Variants in YES1 observed in about 807,000 individuals in gnomAD.
YES1 encodes the protein tyrosine-protein kinase Yes.
YES1 carries 39 observed loss-of-function variants against 70.4 expected under a neutral mutation model. That is an observed-to-expected ratio of 0.55 (90% confidence interval 0.43 to 0.72). YES1 has a LOEUF of 0.72. Ranked by LOEUF, YES1 falls within the 30% of genes least tolerant of loss-of-function variation. YES1 has a pLI of 0.00. For missense variants in YES1, 495 were observed against 644.8 expected, an observed-to-expected ratio of 0.77 and a Z score of 2.52; for synonymous variants, 198 against 218.6, an observed-to-expected ratio of 0.91 and a Z score of 0.83.
chr18:762,314 C>T (rs1326657230), intron 1 of YES1, among the ~76,000 whole-genome samples: 2 of 152,030 alleles, frequency 1.3e-5, no homozygotes, highest in Non-Finnish European at 2.9e-5. Context: ...GAGCGAAACT[C>T]CATCTCAAAA....
intron 1 of YES1, among the ~76,000 whole-genome samples, chr18:777,806 T>TAAA (rs35073440): frequency 7.7e-6 from 1 of 129,278 alleles, no homozygotes; most frequent in African/African-American, 2.9e-5. Flanking sequence ...GACTCTGGCT[T>TAAA]AAAAAAAAAA....
chr18:781,277 A>AAAAAAT (rs1169060755), intron 1 of YES1, among the ~76,000 whole-genome samples: 2 of 151,780 alleles, frequency 1.3e-5, no homozygotes, highest in South Asian at 2.1e-4. Flanking sequence ...CTCAAAAAAA[A>AAAAAAT]AAAAAAAAAT....
intron 11 of YES1, among the ~76,000 whole-genome samples, chr18:732,625 T>A (rs1403020157): frequency 1.3e-5 from 2 of 152,084 alleles, no homozygotes; most frequent in Non-Finnish European, 2.9e-5. Context: ...GTGCTCACCC[T>A]GTCAAGGATC....
intron 1 of YES1, among the ~76,000 whole-genome samples, chr18:805,557 A>G (rs1299304396): frequency 6.6e-6 from 1 of 152,118 alleles, no homozygotes; most frequent in African/African-American, 2.4e-5. Context: ...TGCAAAACTA[A>G]CGCCTAGGGA....
At chr18:762,848 A>G (rs1214283991) in intron 1 of YES1, among the ~76,000 whole-genome samples, 1 of 152,246 alleles carries the variant, frequency 6.6e-6, no homozygotes, top group African/African-American at 2.4e-5. Flanking sequence ...AAAAGGTCAC[A>G]AATGTATGAA....
chr18:733,071 C>T lies in YES1; in HGVS notation c.1292-106G>A, dbSNP rs73943189. 266 of 1,076,154 alleles carry T rather than the reference C, an allele frequency of 2.5e-4. No individual in the cohort carries two copies. The African/African-American group carries it at 3.8e-3, about 15-fold the overall frequency. The allele number at this position is 1,076,154 out of a possible 1,614,324, so 66.7% of individuals were successfully genotyped here. A position where few individuals can be genotyped will look rare whatever the true frequency, so the allele number is the denominator to read the frequency against. ...CTGTCAATATCTCTACTGTAGTCAT[C>T]AGTGTCAATTCTTTAAATGTACAAG... On this transcript the variant is annotated intron_variant, in intron 10 of 11. Transcript: ENST00000314574.
intron 1 of YES1, among the ~76,000 whole-genome samples, chr18:806,456 T>C (rs1232800219): frequency 1.3e-5 from 2 of 152,254 alleles, no homozygotes; most frequent in Non-Finnish European, 2.9e-5. Flanking sequence ...AGTATTAAGC[T>C]AGTTTTATAA....
At chr18:769,075 T>A (rs928769228) in intron 1 of YES1, among the ~76,000 whole-genome samples, 1 of 152,180 alleles carries the variant, frequency 6.6e-6, no homozygotes, top group Non-Finnish European at 1.5e-5. Flanking sequence ...AGTGACATGT[T>A]TGTAGCCTAG....
chr18:774,490 C>T (rs1905285622), intron 1 of YES1, among the ~76,000 whole-genome samples: 1 of 152,168 alleles, frequency 6.6e-6, no homozygotes, highest in African/African-American at 2.4e-5. Context: ...CTCCTGCAAT[C>T]TTCCCCAACT....
In YES1 at chr18:747,913, G is replaced by C; in HGVS notation, c.470+7C>G. 6.2e-7 allele frequency: 1 copy of C among 1,611,362 alleles called. No homozygotes were observed. The highest frequency in any genetic ancestry group is 8.5e-7 in the Non-Finnish European group (1 of 1,178,666). Reference sequence around the variant, plus strand: ...AATAATTAATAAAATATGAAGTAGTGCCATACTCTTCTGCCTGAATGGAAT... The same window carrying C: ...AATAATTAATAAAATATGAAGTAGTCCCATACTCTTCTGCCTGAATGGAAT... On this transcript the variant is annotated splice_region_variant and intron_variant, in intron 4 of 11. Coordinates refer to ENST00000314574, the MANE Select transcript of YES1 (RefSeq NM_005433.4).
At chr18:798,494 G>A (rs1906653782) in intron 1 of YES1, among the ~76,000 whole-genome samples, 1 of 152,130 alleles carries the variant, frequency 6.6e-6, no homozygotes, top group Admixed American at 6.5e-5. Context: ...GACCCAAGTT[G>A]GAGTGACTGA....
At chr18:800,870 G>A (rs995772713) in intron 1 of YES1, among the ~76,000 whole-genome samples, 77 of 152,296 alleles carry the variant, frequency 5.1e-4, no homozygotes, top group South Asian at 8.3e-4. Flanking sequence ...AACAAAGGCT[G>A]GGTGTGGTGG....
At chr18:795,944 C>T (rs540381212) in intron 1 of YES1, among the ~76,000 whole-genome samples, 4 of 149,534 alleles carry the variant, frequency 2.7e-5, no homozygotes, top group Admixed American at 6.7e-5. Context: ...CACACACACA[C>T]ATAAGACCTA....
intron 2 of YES1, among the ~76,000 whole-genome samples, chr18:752,502 G>A (rs1251887875): frequency 2.6e-5 from 4 of 152,186 alleles, no homozygotes; most frequent in African/African-American, 9.7e-5. Flanking sequence ...AAGGATTGAT[G>A]ACTACTACAA....
chr18:751,323 T>G (rs2080339621), intron 3 of YES1, among the ~76,000 whole-genome samples: 1 of 151,916 alleles, frequency 6.6e-6, no homozygotes, highest in Non-Finnish European at 1.5e-5. Context: ...CTTACCCAAC[T>G]TTCTCCCCCT....
At chr18:766,641 G>C (rs888622690) in intron 1 of YES1, among the ~76,000 whole-genome samples, 2 of 151,960 alleles carry the variant, frequency 1.3e-5, no homozygotes, top group Non-Finnish European at 2.9e-5. Context: ...ATATCCCTTT[G>C]TGGTTTTTAC....
intron 1 of YES1, 149 bp from the exon 2 acceptor site, chr18:756,984 G>C (rs2080415748): frequency 2.5e-6 from 2 of 790,294 alleles, no homozygotes; most frequent in African/African-American, 3.5e-5. Flanking sequence ...TGAAAACGAG[G>C]TCTCTTCCCC....
intron 1 of YES1, among the ~76,000 whole-genome samples, chr18:776,668 T>C (rs1467409969): frequency 3.9e-5 from 6 of 152,204 alleles, no homozygotes; most frequent in Admixed American, 3.3e-4. Context: ...TTTACATGAA[T>C]GAATGCTTGC....
At chr18:812,707 C>T (rs1177826055), upstream of YES1, among the ~76,000 whole-genome samples, 1 of 152,186 alleles carries the variant, frequency 6.6e-6, no homozygotes, top group African/African-American at 2.4e-5. Flanking sequence ...TGGAGCGCTC[C>T]GATTCTGCCC....
Sources: allele counts gnomAD v4.1 joint callset (sites outside exome capture counted in the v4.1 genomes callset), GRCh38; gene constraint gnomAD v4.1.1; transcripts MANE v1.5; gene names NCBI Gene and HGNC (gene_info 2026-07-23, HGNC 2026-07-21).